The following CELF1 variants were observed in gnomAD, a reference collection of about 807,000 sequenced individuals.
CELF1 encodes CUGBP Elav-like family member 1.
CELF1 carries 10 observed loss-of-function variants against 61.8 expected under a neutral mutation model. That is an observed-to-expected ratio of 0.16 (90% CI 0.10 to 0.27). The LOEUF is 0.27. CELF1 is among the 10% of genes least tolerant of loss of function. The pLI is 1.00. For missense variants in CELF1, 380 were observed against 639.1 expected, an observed-to-expected ratio of 0.59 and a Z score of 4.37; for synonymous variants, 236 against 225.1, an observed-to-expected ratio of 1.05 and a Z score of -0.43.
intron 6 of CELF1, 41 bp from the exon 7 acceptor site, chr11:47,484,564 A>C (rs751337257): frequency 6.3e-7 from 1 of 1,578,416 alleles, no homozygotes; most frequent in Non-Finnish European, 8.6e-7. Context: ...ATTACTACTT[A>C]AAGAGGCAAT....
At chr11:47,538,050 G>C (rs771212611) in intron 1 of CELF1, among the ~76,000 whole-genome samples, 2 of 151,888 alleles carry the variant, frequency 1.3e-5, no homozygotes, top group African/African-American at 4.8e-5. Context: ...CAAATAGCTA[G>C]GACTACAGGT....
chr11:47,546,277 G>T (rs12280219), intron 1 of CELF1, among the ~76,000 whole-genome samples: 2 of 142,816 alleles, frequency 1.4e-5, no homozygotes, highest in South Asian at 4.5e-4. Flanking sequence ...GGGCGGGGGC[G>T]GGGGAGGGAA....
intron 9 of CELF1, among the ~76,000 whole-genome samples, chr11:47,479,346 G>A (rs1596237099): frequency 1.3e-5 from 2 of 152,162 alleles, no homozygotes; most frequent in Admixed American, 1.3e-4. Flanking sequence ...TCCTTAGTTA[G>A]GTCCACACAT....
In CELF1 at chr11:47,487,338, C is replaced by T; in HGVS notation, c.260-97G>A. 4 of 878,748 alleles carry T rather than the reference C, an allele frequency of 4.6e-6. No individual in the cohort carries two copies. The Admixed American group carries it at 9.5e-5, about 21-fold the overall frequency. The allele number at this position is 878,748 out of a possible 1,614,324, so 54.4% of individuals were successfully genotyped here. ...TGACAGATCAGATCTTAAAAGAGGG[C>T]TGGGTTTATTAAAATTAGTGAGAGG... On this transcript the variant is annotated intron_variant, in intron 4 of 14. Coordinates refer to ENST00000687097, the MANE Select transcript of CELF1 (RefSeq NM_001376376.1).
intron 3 of CELF1, among the ~76,000 whole-genome samples, chr11:47,497,168 G>GACTTCCCCACA (rs1456733755): frequency 1.3e-5 from 2 of 152,178 alleles, no homozygotes; most frequent in Non-Finnish European, 2.9e-5. Context: ...GTCTCTAGAT[G>GACTTCCCCACA]AAAAGTAATC....
chr11:47,556,371 A>C (rs947710227), upstream of CELF1, among the ~76,000 whole-genome samples: 1 of 152,010 alleles, frequency 6.6e-6, no homozygotes, highest in African/African-American at 2.4e-5. Flanking sequence ...TTTTGTAGAG[A>C]CAGGGGTCTC....
intron 14 of CELF1, 90 bp from the exon 15 acceptor site, chr11:47,472,447 T>C: frequency 6.5e-6 from 9 of 1,393,182 alleles, no homozygotes; most frequent in Non-Finnish European, 8.0e-6. Flanking sequence ...ATGTGCTTCA[T>C]CTCAAATCCC....
At chr11:47,528,639 T>C (rs2096349495) in intron 1 of CELF1, among the ~76,000 whole-genome samples, 1 of 148,656 alleles carries the variant, frequency 6.7e-6, no homozygotes, top group Non-Finnish European at 1.5e-5. Flanking sequence ...AAATAAAAAT[T>C]GGGAGGTCGA....
intron 1 of CELF1, among the ~76,000 whole-genome samples, chr11:47,536,590 C>T (rs949854021): frequency 6.6e-6 from 1 of 151,968 alleles, no homozygotes; most frequent in Admixed American, 6.6e-5. Flanking sequence ...GGCGAAAACC[C>T]GTCACTACTA....
At chr11:47,494,633 A>T (rs183100089) in intron 3 of CELF1, 154 of 287,466 alleles carry the variant, frequency 5.4e-4, no homozygotes, top group African/African-American at 3.4e-3. Flanking sequence ...TCTATTCCAA[A>T]TTTTTCCCAT....
chr11:47,509,863 C>T (rs2094921798), intron 1 of CELF1, among the ~76,000 whole-genome samples: 1 of 138,602 alleles, frequency 7.2e-6, no homozygotes, highest in Non-Finnish European at 1.5e-5. Context: ...CCTATCTCTA[C>T]TAAAAACACA....
intron 1 of CELF1, among the ~76,000 whole-genome samples, chr11:47,538,161 C>T (rs1490903847): frequency 6.6e-6 from 1 of 152,154 alleles, no homozygotes; most frequent in East Asian, 1.9e-4. Context: ...AATCCTCTTG[C>T]CTCAGCCTCC....
intron 1 of CELF1, among the ~76,000 whole-genome samples, chr11:47,520,491 G>C (rs1159794786): frequency 6.6e-6 from 1 of 152,142 alleles, no homozygotes; most frequent in Non-Finnish European, 1.5e-5. Flanking sequence ...GGCATCTCCG[G>C]AAGATGTGTG....
Position 47,503,874 on chromosome 11 carries a change from G to A in CELF1, c.-153-2942C>T, listed in dbSNP as rs971239326. Reference sequence around the variant, plus strand: ...TTCTGTTATTGTTACAAAATGTGACGGTTAAGAATAATTTACGGGGCAAGA... The same window carrying A: ...TTCTGTTATTGTTACAAAATGTGACAGTTAAGAATAATTTACGGGGCAAGA... On this transcript the variant is annotated intron_variant, in intron 1 of 14. Coordinates refer to ENST00000687097, the MANE Select transcript of CELF1 (RefSeq NM_001376376.1). 3.9e-5 allele frequency among the ~76,000 whole-genome samples: 6 copies of A among 152,110 alleles called. 1 individual carries two copies. Among genetic ancestry groups the A allele is most frequent in the Admixed American group, 2.0e-4 (3 of 15,264 alleles).
At position 47,501,197 on chromosome 11, in the gene CELF1, C is replaced by T. The variant is rs370112053; in HGVS notation, c.-153-265G>A. 3.7e-4 allele frequency among the ~76,000 whole-genome samples: 57 copies of T among 152,340 alleles called. No homozygotes were observed. The South Asian group carries it at 0.012, about 31-fold the overall frequency. On this transcript the variant is annotated intron_variant, in intron 1 of 14. Coordinates refer to ENST00000687097, the MANE Select transcript of CELF1 (RefSeq NM_001376376.1). ...AGAGACTCGCTCATCTGATTTACTA[C>T]TATAGAGGCAGAAGTGGCAGGAGCT...
At chr11:47,551,847 G>A (rs904068315) in intron 1 of CELF1, among the ~76,000 whole-genome samples, 1 of 151,982 alleles carries the variant, frequency 6.6e-6, no homozygotes, top group African/African-American at 2.4e-5. Context: ...GTGAAACCCC[G>A]TCTATACTAA....
intron 1 of CELF1, among the ~76,000 whole-genome samples, chr11:47,532,644 C>T (rs993581495): frequency 2.6e-5 from 4 of 152,168 alleles, no homozygotes; most frequent in Non-Finnish European, 5.9e-5. Context: ...AAAATTCCTG[C>T]TTCTATCTCT....
At chr11:47,534,121 T>C (rs1182361080) in intron 1 of CELF1, among the ~76,000 whole-genome samples, 1 of 141,548 alleles carries the variant, frequency 7.1e-6, no homozygotes, top group Non-Finnish European at 1.5e-5. Context: ...CTCCGCCTCC[T>C]TAGTTCAAAC....
chr11:47,511,139 TG>T (rs2095122615), intron 1 of CELF1, among the ~76,000 whole-genome samples: 1 of 152,192 alleles, frequency 6.6e-6, no homozygotes, highest in Non-Finnish European at 1.5e-5. Flanking sequence ...TGAGCTGTGA[TG>T]GCACCACTGC....
Sources: allele counts gnomAD v4.1 joint callset (sites outside exome capture counted in the v4.1 genomes callset), GRCh38; gene constraint gnomAD v4.1.1; transcripts MANE v1.5; gene names NCBI Gene and HGNC (gene_info 2026-07-23, HGNC 2026-07-21).